The following NPEPPS variants were observed in gnomAD, a reference collection of about 807,000 sequenced individuals.
The protein encoded by NPEPPS is puromycin-sensitive aminopeptidase.
Under a neutral mutation model 115.5 loss-of-function variants are expected in NPEPPS, and 14 were observed. The ratio of observed to expected loss-of-function variants is 0.12; its 90% CI spans 0.08 to 0.19. The LOEUF (loss-of-function observed/expected upper bound fraction) is 0.19, where lower values mean the gene tolerates loss of function less well. Among genes scored for constraint, NPEPPS ranks in the 10% least tolerant of loss-of-function variants. NPEPPS has a pLI of 1.00. For missense variants in NPEPPS, 523 were observed against 1,110.8 expected (o/e 0.47, Z 7.52); for synonymous variants, 285 against 390.6 (o/e 0.73, Z 3.19).
At chr17:47,582,347 A>G in intron 4 of NPEPPS, 1 of 217,774 alleles carries the variant, frequency 4.6e-6, no homozygotes, top group South Asian at 6.1e-5. Context: ...TCAAAAATAA[A>G]AGCCAGAGAG....
intron 2 of NPEPPS, among the ~76,000 whole-genome samples, chr17:47,549,648 C>A (rs544988493): frequency 5.9e-5 from 9 of 151,360 alleles, no homozygotes; most frequent in African/African-American, 1.7e-4. Flanking sequence ...GGCGTGGTGG[C>A]AGGCACCTGT....
intron 14 of NPEPPS, 87 bp downstream of exon 14, chr17:47,599,826 CTT>C (rs34538095): frequency 3.9e-3 from 3,479 of 896,108 alleles, no homozygotes; most frequent in South Asian, 5.0e-3. Flanking sequence ...GGAAATTTTT[CTT>C]TTTTTTTTTT....
At chr17:47,599,592 A>G (rs749213474) in intron 13 of NPEPPS, 84 bp from the exon 14 acceptor site, 5 of 1,012,578 alleles carry the variant, frequency 4.9e-6, no homozygotes, top group Admixed American at 2.2e-5. Context: ...TGTCACAGAA[A>G]TGTTGTCTCC....
At chr17:47,576,643 A>T (rs1911541777) in intron 3 of NPEPPS, among the ~76,000 whole-genome samples, 1 of 152,140 alleles carries the variant, frequency 6.6e-6, no homozygotes. Context: ...TACAATTGTT[A>T]TACTCTCCTA....
chr17:47,569,380 A>T, intron 2 of NPEPPS, 37 bp from the exon 3 acceptor site: 1 of 1,351,242 alleles, frequency 7.4e-7, no homozygotes, highest in Non-Finnish European at 1.0e-6. Context: ...TTGTCAGTCC[A>T]GTCAGAATTG....
intron 12 of NPEPPS, among the ~76,000 whole-genome samples, chr17:47,594,655 C>T (rs202138122): frequency 1.6e-4 from 21 of 134,310 alleles, no homozygotes; most frequent in South Asian, 2.4e-4. Flanking sequence ...TTTTTTGAGA[C>T]GGAGTCTCGC....
At chr17:47,548,106 C>A (rs1304345539) in intron 2 of NPEPPS, 2 of 152,122 alleles carry the variant, frequency 1.3e-5, no homozygotes, top group African/African-American at 4.8e-5. Flanking sequence ...GATTTCCTCT[C>A]TCCTTTACAT....
chr17:47,590,602 T>G, intron 9 of NPEPPS, 115 bp from the exon 10 acceptor site: 1 of 1,299,066 alleles, frequency 7.7e-7, no homozygotes, highest in Non-Finnish European at 1.0e-6. Context: ...GAACTGAATT[T>G]TAGGTCATTA....
At chr17:47,536,076 C>T (rs1369210896) in intron 1 of NPEPPS, among the ~76,000 whole-genome samples, 1 of 151,994 alleles carries the variant, frequency 6.6e-6, no homozygotes. Context: ...TGACCTCATT[C>T]CATCTTCCTC....
At position 47,557,936 on chromosome 17, in the gene NPEPPS, GT is replaced by G. The variant is rs558714475; in HGVS notation, c.341-11466del. 2.8e-3 allele frequency among the ~76,000 whole-genome samples: 375 copies of G among 133,124 alleles called. 1 individual carries two copies. Among genetic ancestry groups the G allele is most frequent in the African/African-American group, 7.9e-3 (296 of 37,476 alleles). The allele number at this position is 133,124 out of a possible 152,430, so 87.3% of individuals were successfully genotyped here. On this transcript the variant is annotated intron_variant, in intron 2 of 22. Coordinates refer to ENST00000322157, the MANE Select transcript of NPEPPS (RefSeq NM_006310.4). Reference sequence around the variant, plus strand: ...CCAGGCAATTATGATTTGATTCCATGTTTTTTTTTTTTTTTGTACAGTCTCT... The same window carrying G: ...CCAGGCAATTATGATTTGATTCCATGTTTTTTTTTTTTTTGTACAGTCTCT...
intron 2 of NPEPPS, among the ~76,000 whole-genome samples, chr17:47,546,990 A>G (rs920282106): frequency 6.6e-6 from 1 of 152,182 alleles, no homozygotes; most frequent in Non-Finnish European, 1.5e-5. Context: ...CTCCTCAAAG[A>G]GGCTTCGTTT....
At chr17:47,536,388 CTTTTTTT>C (rs749380530) in intron 1 of NPEPPS, among the ~76,000 whole-genome samples, 10 of 69,936 alleles carry the variant, frequency 1.4e-4, no homozygotes, top group Admixed American at 5.1e-4. Context: ...TATTTTCTCT[CTTTTTTT>C]TTTTTTTTTT....
chr17:47,600,016 C>T (rs1279939360), intron 14 of NPEPPS, among the ~76,000 whole-genome samples: 1 of 152,068 alleles, frequency 6.6e-6, no homozygotes, highest in Non-Finnish European at 1.5e-5. Context: ...GACAGGGTTT[C>T]ACCATGTTGG....
At chr17:47,530,102 A>ATTTT (rs5820660), upstream of NPEPPS, among the ~76,000 whole-genome samples, 1 of 124,472 alleles carries the variant, frequency 8.0e-6, no homozygotes, top group African/African-American at 3.0e-5. Flanking sequence ...AAGCCCGGCT[A>ATTTT]TTTTTTTTTT....
intron 2 of NPEPPS, among the ~76,000 whole-genome samples, chr17:47,549,436 C>A (rs968691216): frequency 2.6e-5 from 4 of 151,966 alleles, no homozygotes; most frequent in African/African-American, 9.7e-5. Flanking sequence ...TGTAAGCCCA[C>A]GTAATTTTAG....
chr17:47,608,418 C>G (rs916616496), intron 17 of NPEPPS, among the ~76,000 whole-genome samples: 1 of 146,496 alleles, frequency 6.8e-6, no homozygotes, highest in African/African-American at 2.5e-5. Flanking sequence ...TGCGCCATTG[C>G]GCTCCAGCCT....
At chr17:47,597,047 CAA>C (rs201747090) in intron 13 of NPEPPS, among the ~76,000 whole-genome samples, 2 of 130,696 alleles carry the variant, frequency 1.5e-5, no homozygotes, top group Admixed American at 7.3e-5. Flanking sequence ...GACTTCGTCT[CAA>C]AAAAAAAAAA....
intron 12 of NPEPPS, among the ~76,000 whole-genome samples, chr17:47,593,415 C>T (rs1210061972): frequency 1.3e-5 from 2 of 151,940 alleles, no homozygotes; most frequent in Non-Finnish European, 2.9e-5. Flanking sequence ...AAATATTAGC[C>T]GGGTGTGGTG....
chr17:47,534,768 C>T (rs1299003333), intron 1 of NPEPPS, among the ~76,000 whole-genome samples: 1 of 151,166 alleles, frequency 6.6e-6, no homozygotes, highest in Non-Finnish European at 1.5e-5. Flanking sequence ...GGGGTTTTGC[C>T]ATGTTGGCCA....
Sources: allele counts gnomAD v4.1 joint callset (sites outside exome capture counted in the v4.1 genomes callset), GRCh38; gene constraint gnomAD v4.1.1; transcripts MANE v1.5; gene names NCBI Gene and HGNC (gene_info 2026-07-23, HGNC 2026-07-21).